The following SRSF4 variants were observed in gnomAD, a reference collection of about 807,000 sequenced individuals.
The protein encoded by SRSF4 is serine/arginine-rich splicing factor 4.
A neutral mutation model predicts 48.8 loss-of-function variants in SRSF4; 12 were observed. That is an observed-to-expected ratio of 0.25 (90% confidence interval 0.16 to 0.40). The LOEUF is 0.40. Ranked by LOEUF, SRSF4 falls within the 10% of genes least tolerant of loss-of-function variation. The probability of loss-of-function intolerance (pLI) is 1.00; values close to 1 mark genes in which losing one functional copy is unlikely to be tolerated. For missense variants in SRSF4, 466 were observed against 667.1 expected (o/e 0.70, Z 3.32); for synonymous variants, 248 against 232.5 (o/e 1.07, Z -0.61).
At chr1:29,168,747 C>T (rs1672702957) in intron 1 of SRSF4, 1 of 152,142 alleles carries the variant, frequency 6.6e-6, no homozygotes, top group Admixed American at 6.6e-5. Flanking sequence ...AAAAATTAGA[C>T]CAGCATAAAG....
At chr1:29,180,227 C>T (rs1672934208) in intron 1 of SRSF4, among the ~76,000 whole-genome samples, 1 of 152,126 alleles carries the variant, frequency 6.6e-6, no homozygotes, top group Admixed American at 6.6e-5. Flanking sequence ...GTTAGTTATG[C>T]TGTCAATTTA....
chr1:29,162,396 T>C (rs975336572), intron 1 of SRSF4, among the ~76,000 whole-genome samples: 1 of 152,230 alleles, frequency 6.6e-6, no homozygotes, highest in Non-Finnish European at 1.5e-5. Context: ...CTTTCTTAGA[T>C]AGAATGGGTC....
chr1:29,158,591 G>A (rs546484860), intron 3 of SRSF4, among the ~76,000 whole-genome samples: 7 of 151,742 alleles, frequency 4.6e-5, no homozygotes, highest in Admixed American at 2.6e-4. Flanking sequence ...CACCACGCCC[G>A]GCTAATTTTT....
At chr1:29,164,413 G>A (rs1329524980) in intron 1 of SRSF4, among the ~76,000 whole-genome samples, 2 of 152,188 alleles carry the variant, frequency 1.3e-5, no homozygotes, top group African/African-American at 2.4e-5. Flanking sequence ...AGCAAGTAAC[G>A]TGAAACAAAT....
chr1:29,148,160 T>G lies in SRSF4; in HGVS notation c.*250A>C. ...AGGCCAGGCCTGAAAGCCAAGGCGT[T>G]TTGGATATTCTACTGTGGGCCATGA... On this transcript the variant is annotated 3_prime_UTR_variant, in exon 6 of 6. Transcript: ENST00000373795. 1.6e-6 allele frequency: 1 copy of G among 636,596 alleles called. No homozygotes were observed. Among genetic ancestry groups the G allele is most frequent in the Non-Finnish European group, 2.9e-6 (1 of 346,854 alleles). 39.4% of individuals were successfully genotyped at this position (636,596 alleles called of 1,614,324 possible).
At chr1:29,163,661 A>T (rs887462809) in intron 1 of SRSF4, among the ~76,000 whole-genome samples, 1 of 152,228 alleles carries the variant, frequency 6.6e-6, no homozygotes, top group African/African-American at 2.4e-5. Context: ...CTATTAAGCA[A>T]TGGTATCGTA....
At chr1:29,169,064 A>G (rs886929855) in intron 1 of SRSF4, 1 of 152,218 alleles carries the variant, frequency 6.6e-6, no homozygotes, top group Non-Finnish European at 1.5e-5. Flanking sequence ...TCTTCTTCAC[A>G]TTTCTTTGTA....
chr1:29,168,327 G>A (rs995378727), intron 1 of SRSF4, among the ~76,000 whole-genome samples: 1 of 151,778 alleles, frequency 6.6e-6, no homozygotes, highest in Non-Finnish European at 1.5e-5. Context: ...CACCATGCCC[G>A]GCCTTCTACT....
chr1:29,181,612 C>T (rs1672959968), intron 1 of SRSF4, 34 bp downstream of exon 1: 3 of 1,552,184 alleles, frequency 1.9e-6, no homozygotes, highest in Admixed American at 1.8e-5. Context: ...GGGGTCTGTC[C>T]CCGCCCGGCC....
intron 3 of SRSF4, 37 bp downstream of exon 3, chr1:29,159,320 TCCCAACTTTAACTCCTG>T: frequency 1.6e-6 from 2 of 1,274,846 alleles, no homozygotes; most frequent in Non-Finnish European, 2.3e-6. Flanking sequence ...TCTACCTGTT[TCCCAACTTTAACTCCTG>T]CCCAACCTTA....
At chr1:29,156,314 C>T (rs913719562) in intron 3 of SRSF4, among the ~76,000 whole-genome samples, 1 of 149,914 alleles carries the variant, frequency 6.7e-6, no homozygotes. Flanking sequence ...GATTGTGCCA[C>T]TGCATTCTAG....
At chr1:29,163,811 C>T (rs540080008) in intron 1 of SRSF4, among the ~76,000 whole-genome samples, 168 of 152,292 alleles carry the variant, frequency 1.1e-3, no homozygotes, top group Non-Finnish European at 2.0e-3. Context: ...GACACCAGGG[C>T]TGAAACTCCC....
intron 1 of SRSF4, among the ~76,000 whole-genome samples, chr1:29,179,482 C>G (rs143849059): frequency 7.0e-4 from 107 of 152,240 alleles, no homozygotes; most frequent in Non-Finnish European, 1.3e-3. Flanking sequence ...GCCTCATCCT[C>G]TGAAGTAGCT....
At chr1:29,159,635 G>T (rs1672562110) in intron 2 of SRSF4, 149 bp from the exon 3 acceptor site, 2 of 439,344 alleles carry the variant, frequency 4.6e-6, no homozygotes, top group Non-Finnish European at 7.8e-6. Flanking sequence ...TTCTAAAATA[G>T]ATTTTTAAAG....
At position 29,181,656 on chromosome 1, in the gene SRSF4, G is replaced by A. The variant is rs199515572; in HGVS notation, c.97C>T (p.Leu33=). The A allele has an allele frequency of 2.4e-5, 38 of 1,591,858 alleles. No homozygotes were observed. Among genetic ancestry groups the A allele is most frequent in the Non-Finnish European group, 3.2e-5 (37 of 1,170,844 alleles). Residue 33 remains leucine (L), a synonymous_variant, in exon 1 of 6, where the codon CTG becomes TTG. Coordinates refer to ENST00000373795, the MANE Select transcript of SRSF4 (RefSeq NM_005626.5). ...KGYGKILEVD[L]KNGYGFVEFD... is the part of the protein sequence containing the mutation. ...TTTCGCCCTCCTCACCCGTTCTTCA[G>A]ATCCACCTCCAGGATCTTCCCGTAG...
Position 29,181,813 on chromosome 1 carries a change from A to G in SRSF4, c.-61T>C. On this transcript the variant is annotated 5_prime_UTR_variant, in exon 1 of 6. Coordinates refer to ENST00000373795, the MANE Select transcript of SRSF4 (RefSeq NM_005626.5). ...GCCCCCCTTAGGCGGCGGCGGGCAAAGCGAGAGCACGGCGGCAGCGGCGGC... is the reference window on the plus strand; with the variant it reads ...GCCCCCCTTAGGCGGCGGCGGGCAAGGCGAGAGCACGGCGGCAGCGGCGGC... The G allele has an allele frequency of 2.8e-6, 4 of 1,417,382 alleles. No individual in the cohort carries two copies. Among genetic ancestry groups the G allele is most frequent in the Non-Finnish European group, 2.8e-6 (3 of 1,072,674 alleles). The allele number at this position is 1,417,382 out of a possible 1,614,324, so 87.8% of individuals were successfully genotyped here.
intron 1 of SRSF4, among the ~76,000 whole-genome samples, chr1:29,163,795 T>C (rs764513662): frequency 3.9e-5 from 6 of 152,220 alleles, no homozygotes; most frequent in Non-Finnish European, 1.5e-5. Flanking sequence ...TTCAAACCTG[T>C]GGTTTGACAC....
chr1:29,153,259 T>C (rs1016209458), intron 4 of SRSF4, among the ~76,000 whole-genome samples: 1 of 152,078 alleles, frequency 6.6e-6, no homozygotes, highest in Non-Finnish European at 1.5e-5. Context: ...TGCCTCAGCC[T>C]CCCTAGTAGC....
intron 1 of SRSF4, among the ~76,000 whole-genome samples, chr1:29,163,637 A>G (rs1307774354): frequency 6.6e-6 from 1 of 152,254 alleles, no homozygotes; most frequent in Non-Finnish European, 1.5e-5. Context: ...GTTACCTCTG[A>G]CTAAACAATC....
Sources: gnomAD v4.1 joint callset for allele counts (sites outside exome capture counted in the v4.1 genomes callset) on GRCh38, gnomAD v4.1.1 for gene constraint, MANE v1.5 for transcripts, NCBI Gene and HGNC (gene_info 2026-07-23, HGNC 2026-07-21) for gene names.